Variants in L3MBTL4 observed in about 807,000 individuals in gnomAD.
The protein encoded by L3MBTL4 is lethal(3)malignant brain tumor-like protein 4.
L3MBTL4 carries 70 observed loss-of-function variants against 84.5 expected under a neutral mutation model. That is an observed-to-expected ratio of 0.83 (90% CI 0.68 to 1.01). The LOEUF (loss-of-function observed/expected upper bound fraction) is 1.01, where lower values mean the gene tolerates loss of function less well. Ranked by LOEUF, L3MBTL4 falls within the 50% of genes least tolerant of loss-of-function variation. The probability of loss-of-function intolerance (pLI) is 0.00; values close to 1 mark genes in which losing one functional copy is unlikely to be tolerated. For synonymous variants in L3MBTL4, 274 were observed against 259.8 expected (o/e 1.05, Z -0.52); for missense variants, 715 against 754.8 (o/e 0.95, Z 0.62).
intron 4 of L3MBTL4, among the ~76,000 whole-genome samples, chr18:6,271,495 A>G (rs1016129984): frequency 6.6e-6 from 1 of 152,230 alleles, no homozygotes; most frequent in Non-Finnish European, 1.5e-5. Flanking sequence ...GCCGGGCACC[A>G]GGCAGGGCCG....
intron 16 of L3MBTL4, among the ~76,000 whole-genome samples, chr18:5,970,027 C>T (rs1460239891): frequency 6.6e-6 from 1 of 152,216 alleles, no homozygotes; most frequent in Non-Finnish European, 1.5e-5. Flanking sequence ...CAGAATGAGC[C>T]TCAGTCCACA....
intron 12 of L3MBTL4, among the ~76,000 whole-genome samples, chr18:6,204,319 T>C (rs1301493573): frequency 6.6e-6 from 1 of 152,178 alleles, no homozygotes; most frequent in East Asian, 1.9e-4. Context: ...AATGAGTCTT[T>C]ACCAAGTAGC....
At chr18:6,245,676 G>A (rs1157203743) in intron 5 of L3MBTL4, among the ~76,000 whole-genome samples, 5 of 145,040 alleles carry the variant, frequency 3.4e-5, no homozygotes, top group Non-Finnish European at 7.5e-5. Context: ...TGCAACCTCC[G>A]CCTCCCAGGT....
chr18:6,188,828 C>A (rs1252156265), intron 12 of L3MBTL4, among the ~76,000 whole-genome samples: 1 of 152,212 alleles, frequency 6.6e-6, no homozygotes, highest in East Asian at 1.9e-4. Context: ...ATCTCCTGGT[C>A]CTGGGATCAC....
intron 1 of L3MBTL4, among the ~76,000 whole-genome samples, chr18:6,408,567 T>C (rs932632345): frequency 1.3e-5 from 2 of 152,184 alleles, no homozygotes; most frequent in Non-Finnish European, 2.9e-5. Context: ...ACATATAAGA[T>C]CCACAGTTTG....
intron 14 of L3MBTL4, among the ~76,000 whole-genome samples, chr18:6,108,874 C>T (rs2059099454): frequency 2.0e-5 from 3 of 152,118 alleles, no homozygotes; most frequent in Admixed American, 6.5e-5. Context: ...GTAGGTATTA[C>T]AAGGAATCTA....
At chr18:5,963,138 G>A (rs1345751877) in intron 17 of L3MBTL4, among the ~76,000 whole-genome samples, 1 of 152,234 alleles carries the variant, frequency 6.6e-6, no homozygotes, top group African/African-American at 2.4e-5. Context: ...ACTGCAGTGG[G>A]AAAGCCAAGT....
At chr18:6,248,523 T>A (rs1175900735) in intron 5 of L3MBTL4, among the ~76,000 whole-genome samples, 2 of 152,204 alleles carry the variant, frequency 1.3e-5, no homozygotes, top group East Asian at 3.8e-4. Context: ...CAAAAATGTA[T>A]CTCTTCCTCC....
chr18:6,009,921 A>G (rs1415902651), intron 16 of L3MBTL4, among the ~76,000 whole-genome samples: 1 of 152,160 alleles, frequency 6.6e-6, no homozygotes, highest in Non-Finnish European at 1.5e-5. Context: ...AAAGCTGCCC[A>G]TTATCTCTTA....
chr18:6,216,641 A>G (rs988847337), intron 10 of L3MBTL4, among the ~76,000 whole-genome samples: 2 of 152,190 alleles, frequency 1.3e-5, no homozygotes, highest in African/African-American at 4.8e-5. Context: ...AATGAAATAG[A>G]CAATGAACCT....
intron 1 of L3MBTL4, among the ~76,000 whole-genome samples, chr18:6,377,342 C>G (rs1376018777): frequency 1.3e-5 from 2 of 152,052 alleles, no homozygotes; most frequent in African/African-American, 2.4e-5. Context: ...TTGTATTATA[C>G]TTTAAGTTCT....
At chr18:6,039,239 T>C (rs1024661272) in intron 16 of L3MBTL4, among the ~76,000 whole-genome samples, 1 of 152,136 alleles carries the variant, frequency 6.6e-6, no homozygotes, top group Non-Finnish European at 1.5e-5. Context: ...GACTGTGGTA[T>C]TCTGTCTTGG....
At chr18:6,004,357 G>A (rs585044) in intron 16 of L3MBTL4, among the ~76,000 whole-genome samples, 122,807 of 152,152 alleles carry the variant, frequency 0.81, 49,964 homozygotes, top group Admixed American at 0.85. Context: ...TGGACCTATA[G>A]CTAGTTAGGA....
chr18:6,168,037 C>A (rs1341909642), intron 13 of L3MBTL4, among the ~76,000 whole-genome samples: 1 of 152,048 alleles, frequency 6.6e-6, no homozygotes, highest in Non-Finnish European at 1.5e-5. Flanking sequence ...CAATAACAGA[C>A]AAACAGAGAG....
chr18:6,383,258 A>G (rs567133655), intron 1 of L3MBTL4, among the ~76,000 whole-genome samples: 1 of 152,190 alleles, frequency 6.6e-6, no homozygotes, highest in Admixed American at 6.5e-5. Context: ...CCGTGGGGGT[A>G]GGACCTGCTG....
chr18:6,063,299 CTGTGTGTGTGTGTG>C (rs61413638), intron 16 of L3MBTL4, among the ~76,000 whole-genome samples: 25 of 141,142 alleles, frequency 1.8e-4, no homozygotes, highest in East Asian at 8.2e-4. Context: ...CTATAAATAT[CTGTGTGTGTGTGTG>C]TGTGTGTGTG....
chr18:6,281,817 C>T (rs1023223575), intron 4 of L3MBTL4, among the ~76,000 whole-genome samples: 2 of 152,204 alleles, frequency 1.3e-5, no homozygotes, highest in East Asian at 3.9e-4. Flanking sequence ...AATAGCAAAC[C>T]ATGGTAATGT....
chr18:6,208,136 T>C (rs983984974), intron 12 of L3MBTL4, among the ~76,000 whole-genome samples: 3 of 150,764 alleles, frequency 2.0e-5, no homozygotes, highest in Non-Finnish European at 4.4e-5. Flanking sequence ...AATAAATAAA[T>C]AAATAAATAA....
intron 12 of L3MBTL4, among the ~76,000 whole-genome samples, chr18:6,204,446 AC>A (rs1357156496): frequency 2.0e-5 from 3 of 152,234 alleles, no homozygotes; most frequent in Admixed American, 2.0e-4. Flanking sequence ...TCCTCTGGTC[AC>A]AATCCAAATA....
Sources: gnomAD v4.1 joint callset for allele counts (sites outside exome capture counted in the v4.1 genomes callset) on GRCh38, gnomAD v4.1.1 for gene constraint, MANE v1.5 for transcripts, NCBI Gene and HGNC (gene_info 2026-07-23, HGNC 2026-07-21) for gene names.